The following WDR83 variants were observed in gnomAD, a reference collection of about 807,000 sequenced individuals.
WDR83 encodes WD repeat domain 83.
A neutral mutation model predicts 37.7 loss-of-function variants in WDR83; 37 were observed. The observed-to-expected ratio is 0.98, with a 90% confidence interval of 0.76 to 1.29. The LOEUF (loss-of-function observed/expected upper bound fraction) is 1.29, where lower values mean the gene tolerates loss of function less well. WDR83 is among the 50% of genes most tolerant of loss of function. WDR83 has a pLI of 0.00. For synonymous variants in WDR83, 174 were observed against 181.1 expected (o/e 0.96, Z 0.31); for missense variants, 445 against 414.4 (o/e 1.07, Z -0.64).
In WDR83 at chr19:12,670,906, G is replaced by T. The variant is rs1053898379; in HGVS notation, c.506+85G>T. On this transcript the variant is annotated intron_variant, in intron 7 of 10. Transcript: ENST00000418543. ...ATGCTCAGATTAAAACCTACTCTCA[G>T]CTGGGCACAGTGGCACACAGCTGTA... The T allele has an allele frequency of 2.0e-6, 3 of 1,529,488 alleles. No homozygotes were observed. In the African/African-American group the frequency reaches 4.1e-5, roughly 21 times the overall value. The allele number at this position is 1,529,488 out of a possible 1,614,324, so 94.7% of individuals were successfully genotyped here.
chr19:12,673,265 T>C lies in WDR83; in HGVS notation c.747T>C (p.His249=), dbSNP rs780850082. 1.2e-6 allele frequency: 2 copies of C among 1,613,884 alleles called. No individual in the cohort carries two copies. Among genetic ancestry groups the C allele is most frequent in the East Asian group, 2.2e-5 (1 of 44,874 alleles). ...GCTGCCTGAGCGAGCGTGACACACA[T>C]GTGGTCAGCTGTTCTGAGGACGGGA... is the stretch of plus-strand genomic sequence containing the variant. ...LDCCLSERDT[H]VVSCSEDGKV... is the part of the protein sequence containing the mutation. The change falls in exon 10 of 11, where the codon CAT becomes CAC. Residue 249 remains histidine (H), a synonymous_variant. Transcript: ENST00000418543.
At chr19:12,667,198 G>A (rs1007813749) in intron 1 of WDR83, among the ~76,000 whole-genome samples, 1 of 152,208 alleles carries the variant, frequency 6.6e-6, no homozygotes, top group African/African-American at 2.4e-5. Context: ...CCAGGGATGG[G>A]ATCCAGCCTG....
Position 12,670,255 on chromosome 19 carries a change from G to A in WDR83, c.300G>A (p.Gln100=), listed in dbSNP as rs2024372693. The A allele has an allele frequency of 1.9e-6, 3 of 1,614,024 alleles. No individual in the cohort carries two copies. Among genetic ancestry groups the A allele is most frequent in the Non-Finnish European group, 2.5e-6 (3 of 1,180,028 alleles). The change falls in exon 5 of 11, where the codon CAG becomes CAA. Residue 100 remains glutamine (Q), a synonymous_variant. Coordinates refer to ENST00000418543, the MANE Select transcript of WDR83 (RefSeq NM_001099737.3). ...TTCTGTGGGATGTGGCATCAGGGCA[G>A]GTCGTGCGCAAATTCCGGGGCCACG... ...AVVLWDVASG[Q]VVRKFRGHAG...
intron 7 of WDR83, among the ~76,000 whole-genome samples, chr19:12,671,781 T>C (rs1351172317): frequency 6.6e-6 from 1 of 152,164 alleles, no homozygotes; most frequent in Non-Finnish European, 1.5e-5. Context: ...CACTGCAACC[T>C]CTAACTTCTA....
chr19:12,670,909 G>A (rs1160267350), intron 7 of WDR83, 88 bp downstream of exon 7: 20 of 1,523,104 alleles, frequency 1.3e-5, no homozygotes, highest in Non-Finnish European at 1.6e-5. Context: ...ACTCTCAGCT[G>A]GGCACAGTGG....
intron 2 of WDR83, chr19:12,668,994 A>C: frequency 1.1e-6 from 1 of 895,436 alleles, no homozygotes; most frequent in Non-Finnish European, 1.8e-6. Flanking sequence ...GCCCAGCGTC[A>C]TCGCAGCCCC....
chr19:12,674,469 C>T (rs371890679), intron 10 of WDR83, among the ~76,000 whole-genome samples: 6 of 152,130 alleles, frequency 3.9e-5, no homozygotes, highest in Non-Finnish European at 7.3e-5. Context: ...GAAGACTTGG[C>T]GGACAAGCTC....
intron 10 of WDR83, among the ~76,000 whole-genome samples, chr19:12,674,200 G>A (rs1026350445): frequency 1.3e-5 from 2 of 152,208 alleles, no homozygotes; most frequent in Admixed American, 6.5e-5. Flanking sequence ...GGGAGCCGAC[G>A]GCCATGTCTA....
chr19:12,669,249 G>C (rs1000917887), intron 2 of WDR83: 11 of 1,613,376 alleles, frequency 6.8e-6, no homozygotes, highest in Non-Finnish European at 8.5e-6. Context: ...ACAGGCTCGA[G>C]GGTCAGGGGC....
At position 12,675,639 on chromosome 19, in the gene WDR83, G is replaced by A. The variant is rs1249500549; in HGVS notation, c.915G>A (p.Glu305=). ...GAGGCAGCGTCCAGTGCTGGCGAGAGGAGGCCTATGAGGCAGAGGATGGAG... is the reference window on the plus strand; with the variant it reads ...GAGGCAGCGTCCAGTGCTGGCGAGAAGAGGCCTATGAGGCAGAGGATGGAG... ...AMGGSVQCWR[E]EAYEAEDGAG The change falls in exon 11 of 11, where the codon GAG becomes GAA. Residue 305 remains glutamate (E), a synonymous_variant. Coordinates refer to ENST00000418543, the MANE Select transcript of WDR83 (RefSeq NM_001099737.3). 3 of 1,601,670 alleles carry A rather than the reference G, an allele frequency of 1.9e-6. No homozygotes were observed. In the South Asian group the frequency reaches 3.3e-5, roughly 18 times the overall value.
chr19:12,675,805 G>A lies in WDR83; in HGVS notation c.*133G>A, dbSNP rs779366175. On this transcript the variant is annotated 3_prime_UTR_variant, in exon 11 of 11. Transcript: ENST00000418543. ...TGGGTCTGCAAATTAATAAATAGAA[G>A]AGGGGGTAAGACCTTCCTGGGACCG... The A allele has an allele frequency of 6.4e-6, 10 of 1,570,932 alleles. No individual in the cohort carries two copies. In the South Asian group the frequency reaches 9.3e-5, roughly 15 times the overall value.
intron 5 of WDR83, 105 bp downstream of exon 5, chr19:12,670,390 A>C (rs1205132121): frequency 3.2e-5 from 48 of 1,509,250 alleles, no homozygotes; most frequent in Non-Finnish European, 4.3e-5. Context: ...CCTTCCCCAG[A>C]TGACGATCCC....
At chr19:12,668,476 C>T (rs1036353702) in intron 1 of WDR83, 32 bp from the exon 2 acceptor site, 1 of 1,613,360 alleles carries the variant, frequency 6.2e-7, no homozygotes, top group Non-Finnish European at 8.5e-7. Flanking sequence ...GGGGTCCCCC[C>T]ACCCCTTACT....
chr19:12,669,177 T>C lies in WDR83; in HGVS notation c.-37+550T>C, dbSNP rs1020705935. 8 of 1,614,064 alleles carry C rather than the reference T, an allele frequency of 5.0e-6. No individual in the cohort carries two copies. Among genetic ancestry groups the C allele is most frequent in the Non-Finnish European group, 6.8e-6 (8 of 1,180,044 alleles). ...GAAGATCATGCCCAGCAGGTTCATG[T>C]AGTCCGGCGTCGGGTCGTCCAAGGC... is the stretch of plus-strand genomic sequence containing the variant. On this transcript the variant is annotated intron_variant, in intron 2 of 10. Transcript: ENST00000418543.
chr19:12,674,180 CT>C (rs1297197493), intron 10 of WDR83, among the ~76,000 whole-genome samples: 3 of 152,222 alleles, frequency 2.0e-5, no homozygotes, highest in African/African-American at 7.2e-5. Context: ...GCACTGACCC[CT>C]GGGCAAGGGG....
chr19:12,672,874 T>C lies in WDR83; in HGVS notation c.534T>C (p.Tyr178=), dbSNP rs1254561341. Residue 178 remains tyrosine (Y), a synonymous_variant, in exon 8 of 11, where the codon TAT becomes TAC. Transcript: ENST00000418543. ...AGSVDGRVRR[Y]DLRMGQLFSD... Reference sequence around the variant, plus strand: ...CCGTGGATGGCCGCGTGAGACGCTATGACCTAAGGATGGGGCAGCTCTTCT... The same window carrying C: ...CCGTGGATGGCCGCGTGAGACGCTACGACCTAAGGATGGGGCAGCTCTTCT... 3 of 1,594,272 alleles carry C rather than the reference T, an allele frequency of 1.9e-6. No individual in the cohort carries two copies. Among genetic ancestry groups the C allele is most frequent in the African/African-American group, 2.7e-5 (2 of 74,586 alleles).
chr19:12,669,437 T>C, intron 2 of WDR83: 1 of 1,575,252 alleles, frequency 6.3e-7, no homozygotes, highest in Non-Finnish European at 8.6e-7. Context: ...CCTCTTCCGC[T>C]GCAGGAATCG....
Position 12,675,822 on chromosome 19 carries a change from C to A in WDR83, c.*150C>A, listed in dbSNP as rs1316535410. On this transcript the variant is annotated 3_prime_UTR_variant, in exon 11 of 11. Transcript: ENST00000418543. ...AAATAGAAGAGGGGGTAAGACCTTC[C>A]TGGGACCGCAGCCGCTCAGTCCTCG... 6.3e-7 allele frequency: 1 copy of A among 1,578,692 alleles called. No individual in the cohort carries two copies.
intron 10 of WDR83, among the ~76,000 whole-genome samples, chr19:12,674,055 T>C (rs1253917906): frequency 6.6e-6 from 1 of 151,990 alleles, no homozygotes; most frequent in African/African-American, 2.4e-5. Flanking sequence ...GAACAGCATA[T>C]GTTAAGAGGT....
Sources: allele counts gnomAD v4.1 joint callset (sites outside exome capture counted in the v4.1 genomes callset), GRCh38; gene constraint gnomAD v4.1.1; transcripts MANE v1.5; gene names NCBI Gene and HGNC (gene_info 2026-07-23, HGNC 2026-07-21).